AKAP9: variants seen among roughly 807,000 people sequenced by gnomAD.
The protein encoded by AKAP9 is A-kinase anchor protein 9.
In AKAP9, 311 loss-of-function variants were observed where a neutral mutation model predicts 488.5. The ratio of observed to expected loss-of-function variants is 0.64; its 90% confidence interval spans 0.58 to 0.70. AKAP9 has a LOEUF of 0.70. Ranked by LOEUF, AKAP9 falls within the 30% of genes least tolerant of loss-of-function variation. The pLI is 0.00. For synonymous variants in AKAP9, 1,462 were observed against 1,483.5 expected, an observed-to-expected ratio of 0.99 and a Z score of 0.33; for missense variants, 4,215 against 4,374.5, an observed-to-expected ratio of 0.96 and a Z score of 1.03.
intron 3 of AKAP9, among the ~76,000 whole-genome samples, chr7:91,991,472 C>CTTT (rs766603127): frequency 7.4e-6 from 1 of 135,892 alleles, no homozygotes; most frequent in Non-Finnish European, 1.6e-5. Context: ...GGGAAGAACT[C>CTTT]TTTTTTTTTT....
At chr7:91,964,370 T>C (rs1484917932) in intron 1 of AKAP9, among the ~76,000 whole-genome samples, 2 of 152,206 alleles carry the variant, frequency 1.3e-5, no homozygotes, top group African/African-American at 4.8e-5. Context: ...TACATAAATA[T>C]TTTAATATGG....
chr7:91,997,983 T>A (rs144473464), intron 7 of AKAP9, among the ~76,000 whole-genome samples: 107 of 152,214 alleles, frequency 7.0e-4, no homozygotes, highest in African/African-American at 2.5e-3. Flanking sequence ...AGACCAGTGG[T>A]CCCCAACCTT....
chr7:92,079,742 C>T lies in AKAP9; in HGVS notation c.7609C>T (p.Gln2537Ter). ...EQGQFETEMLQKKIVNLQKIV... is the reference protein window; with the variant it reads ...EQGQFETEML ...AGGCCAGTTTGAAACAGAAATGCTTCAAAAGAAGATTGTAAACCTACAGAA... is the reference window on the plus strand; with the variant it reads ...AGGCCAGTTTGAAACAGAAATGCTTTAAAAGAAGATTGTAAACCTACAGAA... The change falls in exon 31 of 50, where the codon CAA becomes TAA. Residue 2537 changes from glutamine to a stop codon, truncating the protein, a stop_gained. Coordinates refer to ENST00000356239, the MANE Select transcript of AKAP9 (RefSeq NM_005751.5). LOFTEE classifies it high-confidence loss of function. 1 of 1,614,012 alleles carries T rather than the reference C, an allele frequency of 6.2e-7. No individual in the cohort carries two copies. The highest frequency in any genetic ancestry group is 8.5e-7 in the Non-Finnish European group (1 of 1,179,986).
At chr7:91,994,834 T>G in intron 6 of AKAP9, 58 bp downstream of exon 6, 13 of 1,516,804 alleles carry the variant, frequency 8.6e-6, no homozygotes, top group Non-Finnish European at 1.2e-5. Context: ...TTTTAAAAAT[T>G]CACTTTCAAG....
chr7:92,022,347 A>T lies in AKAP9; in HGVS notation c.3947A>T (p.Asp1316Val), dbSNP rs1802439467. 2 of 1,598,360 alleles carry T rather than the reference A, an allele frequency of 1.3e-6. No homozygotes were observed. Among genetic ancestry groups the T allele is most frequent in the Admixed American group, 3.3e-5 (2 of 59,982 alleles). ...SIHSQMTNLE[D>V]IDVNHKSKLS... Reference sequence around the variant, plus strand: ...CATTCTCAGATGACCAATTTGGAAGACATTGGTAAATTTTGATCATATACC... The same window carrying T: ...CATTCTCAGATGACCAATTTGGAAGTCATTGGTAAATTTTGATCATATACC... The change falls in exon 13 of 50, where the codon GAC becomes GTC. Residue 1316 changes from aspartate to valine, a missense_variant. Asp to Val is a radical substitution (Grantham distance 152). Transcript: ENST00000356239.
At chr7:92,076,153 A>T (rs1467295021) in intron 28 of AKAP9, among the ~76,000 whole-genome samples, 1 of 152,228 alleles carries the variant, frequency 6.6e-6, no homozygotes, top group Admixed American at 6.5e-5. Flanking sequence ...TATAAAAATA[A>T]TTCTTAATAT....
At chr7:92,105,913 C>T in intron 47 of AKAP9, 150 bp downstream of exon 47, 1 of 722,166 alleles carries the variant, frequency 1.4e-6, no homozygotes, top group Admixed American at 2.1e-5. Context: ...GCCCGAGCTC[C>T]ACCTCCTGTC....
At chr7:92,077,582 G>T (rs759786445) in intron 29 of AKAP9, 114 bp from the exon 30 acceptor site, 1 of 901,844 alleles carries the variant, frequency 1.1e-6, no homozygotes, top group Non-Finnish European at 1.8e-6. Flanking sequence ...GTAACCATAT[G>T]GTGTCTCTGA....
At chr7:91,966,186 T>C (rs1455296628) in intron 1 of AKAP9, among the ~76,000 whole-genome samples, 1 of 152,124 alleles carries the variant, frequency 6.6e-6, no homozygotes, top group Admixed American at 6.5e-5. Context: ...GCCACCACAC[T>C]CTTCTGAAAC....
intron 1 of AKAP9, among the ~76,000 whole-genome samples, chr7:91,945,147 G>A (rs1214073672): frequency 6.6e-6 from 1 of 152,166 alleles, no homozygotes; most frequent in African/African-American, 2.4e-5. Context: ...GATCGCTTGA[G>A]CCCAGAGGTT....
chr7:92,075,683 A>G (rs1486556190), intron 28 of AKAP9, among the ~76,000 whole-genome samples: 3 of 152,216 alleles, frequency 2.0e-5, no homozygotes, highest in African/African-American at 7.2e-5. Context: ...CTCAGAACAG[A>G]TCTTATAAAG....
At chr7:92,063,916 G>C (rs1163041619) in intron 24 of AKAP9, among the ~76,000 whole-genome samples, 1 of 152,062 alleles carries the variant, frequency 6.6e-6, no homozygotes, top group Admixed American at 6.6e-5. Context: ...GAGTAACTGA[G>C]ACTACAGGCG....
intron 8 of AKAP9, among the ~76,000 whole-genome samples, chr7:92,006,746 A>G (rs1311239266): frequency 2.6e-5 from 4 of 152,206 alleles, no homozygotes; most frequent in African/African-American, 4.8e-5. Context: ...TAAAAACATC[A>G]TAGAAGTCTT....
chr7:92,006,025 A>G (rs1430327027), intron 8 of AKAP9, among the ~76,000 whole-genome samples: 5 of 152,204 alleles, frequency 3.3e-5, no homozygotes, highest in Non-Finnish European at 7.3e-5. Context: ...CAAAACCAAA[A>G]TGTATGGCAG....
At chr7:92,081,473 T>TTATATA (rs372040821) in intron 31 of AKAP9, among the ~76,000 whole-genome samples, 29 of 120,410 alleles carry the variant, frequency 2.4e-4, no homozygotes, top group African/African-American at 8.3e-4. Flanking sequence ...CCCGGCTAAT[T>TTATATA]TATATATATA....
At chr7:92,048,721 A>G (rs1171585929) in intron 21 of AKAP9, among the ~76,000 whole-genome samples, 7 of 152,230 alleles carry the variant, frequency 4.6e-5, no homozygotes, top group Admixed American at 4.6e-4. Context: ...AGCCTGGCCA[A>G]CATGGTGAAA....
At position 92,002,228 on chromosome 7, in the gene AKAP9, G is replaced by A. The variant is rs148267537; in HGVS notation, c.2311G>A (p.Ala771Thr). ...AGAGAATGATCTTCAAGAAAAATTT[G>A]CACAACTTGAAGCAGAGAATAGCAT... ...EKENDLQEKFAQLEAENSILK... is the reference protein window; with the variant it reads ...EKENDLQEKFTQLEAENSILK... The change falls in exon 8 of 50, where the codon GCA becomes ACA. Residue 771 changes from alanine to threonine, a missense_variant. Ala to Thr is a moderately conservative substitution (Grantham distance 58). Coordinates refer to ENST00000356239, the MANE Select transcript of AKAP9 (RefSeq NM_005751.5). The A allele has an allele frequency of 1.5e-4, 246 of 1,591,074 alleles. No homozygotes were observed. Among genetic ancestry groups the A allele is most frequent in the Admixed American group, 3.9e-4 (21 of 53,722 alleles).
chr7:92,109,999 G>A (rs1011547950), intron 49 of AKAP9, 123 bp from the exon 50 acceptor site: 2 of 758,632 alleles, frequency 2.6e-6, no homozygotes, highest in Non-Finnish European at 4.6e-6. Context: ...GACATTTTAA[G>A]GAAAAAAAGG....
In AKAP9 at chr7:92,032,491, C is replaced by T. The variant is rs912192552; in HGVS notation, c.4338+887C>T. On this transcript the variant is annotated intron_variant, in intron 16 of 49. Transcript: ENST00000356239. Reference sequence around the variant, plus strand: ...AGCTTGGCCAACAAAAGCGAAACTCCGTCTCAAAAAAAAAAAAAAAAAGAT... The same window carrying T: ...AGCTTGGCCAACAAAAGCGAAACTCTGTCTCAAAAAAAAAAAAAAAAAGAT... Among the ~76,000 whole-genome samples the T allele has an allele frequency of 5.7e-5, 8 of 139,640 alleles. No individual in the cohort carries two copies. In the South Asian group the frequency reaches 6.7e-4, roughly 12 times the overall value. 91.6% of individuals were successfully genotyped at this position (139,640 alleles called of 152,430 possible).
Sources: allele counts gnomAD v4.1 joint callset (sites outside exome capture counted in the v4.1 genomes callset), GRCh38; gene constraint gnomAD v4.1.1; transcripts MANE v1.5; gene names NCBI Gene and HGNC (gene_info 2026-07-23, HGNC 2026-07-21).